MYO15A: variants seen among roughly 807,000 people sequenced by gnomAD.
MYO15A encodes the protein unconventional myosin-XV.
A neutral mutation model predicts 394.6 loss-of-function variants in MYO15A; 308 were observed. The observed-to-expected ratio is 0.78, with a 90% confidence interval of 0.71 to 0.86. The LOEUF is 0.86. MYO15A is among the 40% of genes least tolerant of loss of function. The pLI is 0.00. For missense variants in MYO15A, 4,606 were observed against 4,799.1 expected, an observed-to-expected ratio of 0.96 and a Z score of 1.19; for synonymous variants, 1,957 against 2,003.8, an observed-to-expected ratio of 0.98 and a Z score of 0.62.
Position 18,121,093 on chromosome 17 carries a change from T to C in MYO15A, c.2293T>C (p.Ser765Pro). 1 of 1,503,148 alleles carries C rather than the reference T, an allele frequency of 6.7e-7. No individual in the cohort carries two copies. Among genetic ancestry groups the C allele is most frequent in the Non-Finnish European group, 8.8e-7 (1 of 1,130,520 alleles). 93.1% of individuals were successfully genotyped at this position (1,503,148 alleles called of 1,614,324 possible). ...CTTCCCCGGGGCCTCTCCACGGGCG[T>C]CGCGGAGGCGAGCTTGGTCACCGCT... is the stretch of plus-strand genomic sequence containing the variant. Reference protein sequence around the residue: ...FGFPGASPRASRRRAWSPLAS... With the variant: ...FGFPGASPRAPRRRAWSPLAS... The change falls in exon 2 of 66, where the codon TCG becomes CCG. Residue 765 changes from serine to proline, a missense_variant. Transcript: ENST00000647165. This position sits in a 1 kb window ranked among gnomAD's most constrained non-coding sequence, Gnocchi z 5.3.
rs756893135 is a variant in MYO15A at position 18,150,849 on chromosome 17, C to G, written c.7409C>G (p.Thr2470Ser). Residue 2470 changes from threonine (T) to serine (S), a missense_variant, in exon 38 of 66, where the codon ACC (threonine) becomes AGC (serine). By Grantham distance (58) the Thr-to-Ser change is moderately conservative (BLOSUM62 1). Around this residue, in one of 2 missense-constraint regions of MYO15A, gnomAD observed 2,776 missense variants for 3,109.3 expected, o/e 0.89. Coordinates refer to ENST00000647165, the MANE Select transcript of MYO15A (RefSeq NM_016239.4). This position sits in a 1 kb window ranked among gnomAD's most constrained non-coding sequence, Gnocchi z 4.4. ...ACCTCTCCCCAGGCCCGGGAGATGACCCTGCAGGCCACGGCACTCCAGCAG... is the reference window on the plus strand; with the variant it reads ...ACCTCTCCCCAGGCCCGGGAGATGAGCCTGCAGGCCACGGCACTCCAGCAG... ...KQAVLLAREM[T>S]LQATALQQQP... The G allele has an allele frequency of 6.3e-7, 1 of 1,595,780 alleles. No individual in the cohort carries two copies. Among genetic ancestry groups the G allele is most frequent in the East Asian group, 2.3e-5 (1 of 43,868 alleles).
Position 18,150,507 on chromosome 17 carries a change from G to A in MYO15A, c.7291G>A (p.Glu2431Lys), listed in dbSNP as rs1422674836. 1.9e-6 allele frequency: 3 copies of A among 1,614,086 alleles called. No individual in the cohort carries two copies. The highest frequency in any genetic ancestry group is 2.2e-5 in the East Asian group (1 of 44,900). Residue 2431 changes from glutamate (E) to lysine (K), a missense_variant, in exon 36 of 66, where the codon GAA becomes AAA. By Grantham distance (56) the Glu-to-Lys change is moderately conservative. Around this residue, in one of 2 missense-constraint regions of MYO15A, gnomAD observed 2,776 missense variants for 3,109.3 expected, o/e 0.89. Coordinates refer to ENST00000647165, the MANE Select transcript of MYO15A (RefSeq NM_016239.4). This position sits in a 1 kb window ranked among gnomAD's most constrained non-coding sequence, Gnocchi z 4.4. ...CGGTGGAGGCAGCAGTAGTGGTACT[G>A]AAGACACCCCCAGGAGACCCCCAGA... is the stretch of plus-strand genomic sequence containing the variant. The part of the protein sequence containing the change: ...QPGGGSSSGT[E>K]DTPRRPPEPK...
At position 18,150,400 on chromosome 17, in the gene MYO15A, T is replaced by C. The variant is rs1209224771; in HGVS notation, c.7213-29T>C. On this transcript the variant is annotated intron_variant, in intron 35 of 65. Transcript: ENST00000647165. The surrounding 1 kb of genome is among the most constrained non-coding windows in gnomAD (Gnocchi z 4.4). ...GAACCTTGGGAGTACAATAATGAGATGGTCACTTGAGCCACCCACTGCCCC... is the reference window on the plus strand; with the variant it reads ...GAACCTTGGGAGTACAATAATGAGACGGTCACTTGAGCCACCCACTGCCCC... 6.3e-7 allele frequency: 1 copy of C among 1,593,960 alleles called. No individual in the cohort carries two copies. Among genetic ancestry groups the C allele is most frequent in the South Asian group, 1.1e-5 (1 of 90,606 alleles).
intron 40 of MYO15A, 118 bp from the exon 41 acceptor site, chr17:18,151,728 G>A (rs973452147): frequency 8.3e-7 from 1 of 1,198,538 alleles, no homozygotes; most frequent in African/African-American, 1.5e-5. Flanking sequence ...GCTTCTCCCT[G>A]GATTCTCATT....
chr17:18,156,494 T>C (rs991127324), intron 48 of MYO15A, among the ~76,000 whole-genome samples, 158 bp downstream of exon 48: 4 of 152,226 alleles, frequency 2.6e-5, no homozygotes, highest in Non-Finnish European at 5.9e-5. Context: ...TTTCTCCCTT[T>C]TGCCTGCTCC....
At chr17:18,124,266 C>A (rs1249622799) in intron 2 of MYO15A, 2 of 622,118 alleles carry the variant, frequency 3.2e-6, no homozygotes, top group East Asian at 5.7e-5. Flanking sequence ...GGAGGGCCTG[C>A]CTGGGCACTG....
chr17:18,130,302 A>G (rs768605923), intron 7 of MYO15A, among the ~76,000 whole-genome samples: 2 of 151,922 alleles, frequency 1.3e-5, no homozygotes, highest in Non-Finnish European at 2.9e-5. Flanking sequence ...AGGATTTGAC[A>G]TTCTAGTGGG....
At chr17:18,168,753 A>T (rs2039272275) in intron 62 of MYO15A, among the ~76,000 whole-genome samples, 1 of 151,910 alleles carries the variant, frequency 6.6e-6, no homozygotes, top group South Asian at 2.1e-4. Flanking sequence ...TAATGCTCAC[A>T]ATGTAAATCA....
chr17:18,133,279 C>T lies in MYO15A; in HGVS notation c.4375C>T (p.Leu1459=), dbSNP rs1457170864. The T allele has an allele frequency of 6.2e-7, 1 of 1,614,098 alleles. No individual in the cohort carries two copies. Among genetic ancestry groups the T allele is most frequent in the Non-Finnish European group, 8.5e-7 (1 of 1,180,042 alleles). ...KSDADDFRRL[L]AAMEVLGFSS... is the part of the protein sequence containing the mutation. ...CGATGCAGATGACTTTCGCCGGCTC[C>T]TGGCTGCCATGGAGGTGTTGGGCTT... The change falls in exon 12 of 66, where the codon CTG becomes TTG. Residue 1459 remains leucine (L), a synonymous_variant. Transcript: ENST00000647165.
In MYO15A at chr17:18,154,205, C is replaced by G. The variant is rs886052679; in HGVS notation, c.8148+15C>G. ...TGTTCCGGCAGGTGAGGTCCTGTCT[C>G]CCCTTTCTGCCTCAGTGAACTCAGC... On this transcript the variant is annotated intron_variant, in intron 44 of 65. Transcript: ENST00000647165. 6.2e-7 allele frequency: 1 copy of G among 1,613,734 alleles called. No individual in the cohort carries two copies.
Position 18,154,183 on chromosome 17 carries a change from TC to T in MYO15A, c.8143del (p.Arg2715GlyfsTer23). Reference sequence around the variant, plus strand: ...CATCCTGTGCAGCTTGACCTCCTGTTCCGGCAGGTGAGGTCCTGTCTCCCCT... The same window carrying T: ...CATCCTGTGCAGCTTGACCTCCTGTTCGGCAGGTGAGGTCCTGTCTCCCCT... ...YSHPVQLDLL[F>X]RQILHDTLSE... On this transcript the variant is annotated frameshift_variant, in exon 44 of 66. Coordinates refer to ENST00000647165, the MANE Select transcript of MYO15A (RefSeq NM_016239.4). LOFTEE classifies it high-confidence loss of function. The T allele has an allele frequency of 6.2e-7, 1 of 1,614,022 alleles. No homozygotes were observed. Among genetic ancestry groups the T allele is most frequent in the Non-Finnish European group, 8.5e-7 (1 of 1,180,034 alleles).
intron 1 of MYO15A, among the ~76,000 whole-genome samples, chr17:18,111,583 A>G (rs997846602): frequency 2.0e-5 from 3 of 152,224 alleles, no homozygotes; most frequent in Non-Finnish European, 4.4e-5. Flanking sequence ...CCTGAGAGGA[A>G]GGCAGGACCT....
In MYO15A at chr17:18,136,625, C is replaced by T. The variant is rs764012209; in HGVS notation, c.4718C>T (p.Ala1573Val). ...LFSWLITRVNALVSPRQDTLS... is the reference protein window; with the variant it reads ...LFSWLITRVNVLVSPRQDTLS... ...AGCTGGCTCATCACCAGGGTCAACG[C>T]GCTGGTGTCCCCAAGGCAGGACACA... The change falls in exon 15 of 66, where the codon GCG becomes GTG. Residue 1573 changes from alanine (A) to valine (V), a missense_variant. Ala to Val is a moderately conservative substitution (Grantham distance 64, BLOSUM62 0). Coordinates refer to ENST00000647165, the MANE Select transcript of MYO15A (RefSeq NM_016239.4). 5.5e-5 allele frequency: 89 copies of T among 1,613,584 alleles called. No individual in the cohort carries two copies. The Admixed American group carries it at 1.1e-3, about 19-fold the overall frequency.
rs2047053624 is a variant in MYO15A, at chr17:18,178,956, C to T, written c.*86C>T. ...TCACTGAACCTCTCAGGATCAATGA[C>T]CCCTGTAAGGGGCCAGAGCCTTGGA... On this transcript the variant is annotated 3_prime_UTR_variant, in exon 66 of 66. Transcript: ENST00000647165. The T allele has an allele frequency of 7.3e-7, 1 of 1,362,494 alleles. No individual in the cohort carries two copies. The highest frequency in any genetic ancestry group is 1.0e-6 in the Non-Finnish European group (1 of 977,104). The allele number at this position is 1,362,494 out of a possible 1,614,324, so 84.4% of individuals were successfully genotyped here.
chr17:18,141,197 T>A, intron 22 of MYO15A, 54 bp downstream of exon 22: 2 of 1,609,312 alleles, frequency 1.2e-6, no homozygotes, highest in Non-Finnish European at 1.7e-6. Flanking sequence ...CAACTCCCCA[T>A]GGCCCCAGGA....
At position 18,119,439 on chromosome 17, in the gene MYO15A, A is replaced by C. The variant is rs752919676; in HGVS notation, c.639A>C (p.Pro213=). 6.2e-7 allele frequency: 1 copy of C among 1,612,420 alleles called. No individual in the cohort carries two copies. Among genetic ancestry groups the C allele is most frequent in the South Asian group, 1.1e-5 (1 of 91,072 alleles). The change falls in exon 2 of 66, where the codon CCA becomes CCC. Residue 213 remains proline, a synonymous_variant. Coordinates refer to ENST00000647165, the MANE Select transcript of MYO15A (RefSeq NM_016239.4). The stretch of plus-strand genomic sequence containing the variant: ...TCCTGCCCTTCGAGGACGAGGCCCC[A>C]TTCCATCACTCGGGCTCCCGCAAGT... ...LGFLPFEDEA[P]FHHSGSRKSL...
intron 65 of MYO15A, among the ~76,000 whole-genome samples, chr17:18,174,947 C>T (rs1217308436): frequency 3.3e-5 from 5 of 152,164 alleles, no homozygotes; most frequent in African/African-American, 9.7e-5. Context: ...CCTTGGAGAG[C>T]CTGTTACTTG....
At position 18,138,123 on chromosome 17, in the gene MYO15A, C is replaced by T. The variant is rs2046312916; in HGVS notation, c.4884C>T (p.Tyr1628=). 2.5e-6 allele frequency: 4 copies of T among 1,611,710 alleles called. No individual in the cohort carries two copies. The highest frequency in any genetic ancestry group is 3.4e-6 in the Non-Finnish European group (4 of 1,180,018). ...CTGCCCACTGCCTGCAGGAGGAGTA[C>T]ATCCGTGAGCAGATAGACTGGCAGG... ...KIVFQEEQEE[Y]IREQIDWQEI... Residue 1628 remains tyrosine (Y), a synonymous_variant, in exon 17 of 66, where the codon TAC becomes TAT. Coordinates refer to ENST00000647165, the MANE Select transcript of MYO15A (RefSeq NM_016239.4).
Position 18,141,825 on chromosome 17 carries a change from A to G in MYO15A, c.5649+55A>G, listed in dbSNP as rs528541681. 6 of 1,554,036 alleles carry G rather than the reference A, an allele frequency of 3.9e-6. No homozygotes were observed. In the South Asian group the frequency reaches 6.7e-5, roughly 17 times the overall value. ...AGACCCCAAGTTTGGGGGGGTCCAC[A>G]ACTACTGAGTCAGAAATGTCCAAGC... On this transcript the variant is annotated intron_variant, in intron 23 of 65. Coordinates refer to ENST00000647165, the MANE Select transcript of MYO15A (RefSeq NM_016239.4).
Sources: gnomAD v4.1 joint callset for allele counts (sites outside exome capture counted in the v4.1 genomes callset) on GRCh38, gnomAD v4.1.1 for gene constraint, gnomAD v4.1.1 regional missense constraint, Gnocchi (gnomAD v3.1) non-coding constraint, MANE v1.5 for transcripts, NCBI Gene and HGNC (gene_info 2026-07-23, HGNC 2026-07-21) for gene names.